The following LAMA5 variants were observed in gnomAD, a reference collection of about 807,000 sequenced individuals.
The protein encoded by LAMA5 is laminin subunit alpha 5, also known as laminin subunit alpha-5.
LAMA5 carries 260 observed loss-of-function variants against 433.4 expected under a neutral mutation model. The ratio of observed to expected loss-of-function variants is 0.60; its 90% confidence interval spans 0.54 to 0.66. The LOEUF (loss-of-function observed/expected upper bound fraction) is 0.66. Ranked by LOEUF, LAMA5 falls within the 30% of genes least tolerant of loss-of-function variation. LAMA5 has a pLI of 0.00. For synonymous variants in LAMA5, 2,620 were observed against 2,226.6 expected (o/e 1.18, Z -4.97); for missense variants, 5,378 against 5,258.5 (o/e 1.02, Z -0.70).
rs748347214 is a variant in LAMA5 at position 62,309,311 on chromosome 20, A to G, written c.*25T>C. 494 of 1,588,700 alleles carry G rather than the reference A, an allele frequency of 3.1e-4. 2 individuals carry two copies. Among genetic ancestry groups the G allele is most frequent in the Non-Finnish European group, 4.0e-4 (473 of 1,175,678 alleles). ...GGTGTGAGGCAGCTGCAGGGGCCTG[A>G]CCAGGGGCCGGGGTTGGCTGTGTCC... On this transcript the variant is annotated 3_prime_UTR_variant, in exon 80 of 80. Coordinates refer to ENST00000252999, the MANE Select transcript of LAMA5 (RefSeq NM_005560.6).
chr20:62,319,156 A>G (rs891562981), intron 51 of LAMA5, 143 bp from the exon 52 acceptor site: 1 of 831,888 alleles, frequency 1.2e-6, no homozygotes, highest in African/African-American at 1.7e-5. Flanking sequence ...TGGCCCCTAG[A>G]GCACCTGGCG....
In LAMA5 at chr20:62,312,323, G is replaced by A. The variant is rs371183907; in HGVS notation, c.9361-7C>T. 3.6e-4 allele frequency: 574 copies of A among 1,608,064 alleles called. No homozygotes were observed. Among genetic ancestry groups the A allele is most frequent in the Non-Finnish European group, 4.1e-4 (484 of 1,179,262 alleles). ...AAGTCATGGCGCGCCCCACCTGCGG[G>A]GAGGCCATCCCTGAGTGCCCGCGGG... On this transcript the variant is annotated splice_polypyrimidine_tract_variant and splice_region_variant and intron_variant, in intron 68 of 79. Coordinates refer to ENST00000252999, the MANE Select transcript of LAMA5 (RefSeq NM_005560.6).
At position 62,336,374 on chromosome 20, in the gene LAMA5, C is replaced by G. The variant is rs1981630504; in HGVS notation, c.2289G>C (p.Trp763Cys). The G allele has an allele frequency of 6.2e-7, 1 of 1,612,428 alleles. No individual in the cohort carries two copies. The highest frequency in any genetic ancestry group is 8.5e-7 in the Non-Finnish European group (1 of 1,179,694). The change falls in exon 18 of 80, where the codon TGG becomes TGC. Residue 763 changes from tryptophan (W) to cysteine (C), a missense_variant. Physicochemically the swap from Trp to Cys is radical, Grantham distance 215. Coordinates refer to ENST00000252999, the MANE Select transcript of LAMA5 (RefSeq NM_005560.6). ...PSCDRCKPGF[W>C]GLSPSNPEGC... ...CCTCGGGGTTGCTGGGGCTCAGTCC[C>G]CAGAACCCAGGTTTGCAGCGGTCAC...
intron 51 of LAMA5, chr20:62,319,214 C>T: frequency 1.7e-6 from 1 of 588,280 alleles, no homozygotes; most frequent in Non-Finnish European, 3.0e-6. Flanking sequence ...CCTGCAGTGC[C>T]TCCAACACCC....
At position 62,359,193 on chromosome 20, in the gene LAMA5, C is replaced by T. The variant is rs1985671973; in HGVS notation, c.450+3207G>A. ...GAAGGGGGCCCGTGCGTCCTCACTCCTCATCTGAGGGAGGCGGGAGGCAAT... is the reference window on the plus strand; with the variant it reads ...GAAGGGGGCCCGTGCGTCCTCACTCTTCATCTGAGGGAGGCGGGAGGCAAT... On this transcript the variant is annotated intron_variant, in intron 2 of 79. Coordinates refer to ENST00000252999, the MANE Select transcript of LAMA5 (RefSeq NM_005560.6). The surrounding 1 kb of genome is among the most constrained non-coding windows in gnomAD (Gnocchi z 4.3). Among the ~76,000 whole-genome samples the T allele has an allele frequency of 6.6e-6, 1 of 152,176 alleles. No homozygotes were observed. The highest frequency in any genetic ancestry group is 1.5e-5 in the Non-Finnish European group (1 of 68,016).
chr20:62,310,023 G>GA lies in LAMA5; in HGVS notation c.10792dup (p.Ser3598PhefsTer5). The GA allele has an allele frequency of 6.2e-7, 1 of 1,611,460 alleles. No individual in the cohort carries two copies. The highest frequency in any genetic ancestry group is 8.5e-7 in the Non-Finnish European group (1 of 1,179,744). ...GTGCCACTGGCCATCACACAGCACT[G>GA]AGGGGCGGGTCACTGACGTGGAGAA... On this transcript the variant is annotated frameshift_variant, in exon 78 of 80. Coordinates refer to ENST00000252999, the MANE Select transcript of LAMA5 (RefSeq NM_005560.6). LOFTEE classifies it high-confidence loss of function.
intron 11 of LAMA5, among the ~76,000 whole-genome samples, chr20:62,343,514 G>A (rs1318805745): frequency 6.6e-6 from 1 of 152,168 alleles, no homozygotes; most frequent in Non-Finnish European, 1.5e-5. Context: ...AGAGGCTTAC[G>A]CCTGTAATCC....
rs374716981 is a variant in LAMA5, at chr20:62,327,988, G to A, written c.4675C>T (p.Arg1559Cys). Residue 1559 changes from arginine (R) to cysteine (C), a missense_variant, in exon 36 of 80, where the codon CGC becomes TGC. Arg to Cys is a radical substitution (Grantham distance 180). Transcript: ENST00000252999. ...CCCGGAGAGCAGGTATCACAGCGGC[G>A]CCCAGTCACGTTGGGTCTGCACCTG... ...QCKCRPNVTGRRCDTCSPGFH... is the reference protein window; with the variant it reads ...QCKCRPNVTGCRCDTCSPGFH... 57 of 1,611,900 alleles carry A rather than the reference G, an allele frequency of 3.5e-5. No homozygotes were observed. The highest frequency in any genetic ancestry group is 4.5e-5 in the East Asian group (2 of 44,874).
rs372041142 is a variant in LAMA5 at position 62,322,050 on chromosome 20, G to A, written c.6465C>T (p.Gly2155=). The stretch of plus-strand genomic sequence containing the variant: ...AGTGGATGCTGTGGCCCACAGGCCC[G>A]CCTGGAACAGGCACCTGATGCTGCT... The part of the protein sequence containing the change: ...CSQQHQVPVP[G]GPVGHSIHCE... The change falls in exon 48 of 80, where the codon GGC becomes GGT. Residue 2155 remains glycine, a synonymous_variant. Transcript: ENST00000252999. The A allele has an allele frequency of 2.1e-5, 34 of 1,599,470 alleles. No homozygotes were observed. The highest frequency in any genetic ancestry group is 3.3e-4 in the Middle Eastern group (2 of 6,054).
rs767488072 is a variant in LAMA5 at position 62,328,371 on chromosome 20, C to T, written c.4522G>A (p.Asp1508Asn). ...CICPPRTIPPDCLLCQPQTFG... is the reference protein window; with the variant it reads ...CICPPRTIPPNCLLCQPQTFG... The stretch of plus-strand genomic sequence containing the variant: ...GTCTGGGGCTGGCACAGCAGGCAGT[C>T]GGGCGGGATGGTGCGTGGCGGGCAG... Residue 1508 changes from aspartate (D) to asparagine (N), a missense_variant, in exon 35 of 80, where the codon GAC (aspartate) becomes AAC (asparagine). Asp to Asn is a conservative substitution (Grantham distance 23). Coordinates refer to ENST00000252999, the MANE Select transcript of LAMA5 (RefSeq NM_005560.6). The T allele has an allele frequency of 3.8e-5, 60 of 1,579,592 alleles. No individual in the cohort carries two copies. The highest frequency in any genetic ancestry group is 1.1e-4 in the East Asian group (5 of 43,966).
At chr20:62,345,657 C>T (rs895222596) in intron 11 of LAMA5, 161 bp downstream of exon 11, 73 of 645,326 alleles carry the variant, frequency 1.1e-4, no homozygotes, top group African/African-American at 1.0e-3. Flanking sequence ...CCTATATTTC[C>T]GAAGGTTTTC....
chr20:62,343,130 C>T (rs1982849365), intron 11 of LAMA5, among the ~76,000 whole-genome samples: 1 of 152,218 alleles, frequency 6.6e-6, no homozygotes, highest in Non-Finnish European at 1.5e-5. Context: ...TCTATGGCTG[C>T]TTGCAAGCTA....
At position 62,337,829 on chromosome 20, in the gene LAMA5, G is replaced by C. The variant is rs780908722; in HGVS notation, c.2001C>G (p.Gly667=). 4.3e-6 allele frequency: 7 copies of C among 1,612,644 alleles called. No individual in the cohort carries two copies. The East Asian group carries it at 1.1e-4, about 26-fold the overall frequency. The part of the protein sequence containing the change: ...TGTACQECSP[G]FHGFPSCVPC... ...GGACACAGCTGGGGAAGCCGTGAAA[G>C]CCGGGGCTGCATTCCTGGCAGGCAG... Residue 667 remains glycine, a synonymous_variant, in exon 15 of 80, where the codon GGC becomes GGG. Transcript: ENST00000252999.
At chr20:62,360,775 T>C (rs926085628) in intron 2 of LAMA5, among the ~76,000 whole-genome samples, 3 of 151,910 alleles carry the variant, frequency 2.0e-5, no homozygotes, top group East Asian at 1.9e-4. Context: ...GACGCTCACA[T>C]GGCGGAACCT....
At position 62,329,017 on chromosome 20, in the gene LAMA5, G is replaced by A; in HGVS notation, c.4274C>T (p.Ala1425Val). The A allele has an allele frequency of 6.2e-7, 1 of 1,612,734 alleles. No homozygotes were observed. Among genetic ancestry groups the A allele is most frequent in the Non-Finnish European group, 8.5e-7 (1 of 1,179,878 alleles). ...SSSLFCRNAA[A>V]SLSLFYNNGA... ...GTTGTTATAGAAGAGGGAGAGGGAA[G>A]CAGCAGCGTTTCGGCAGAACAGGGA... is the stretch of plus-strand genomic sequence containing the variant. Residue 1425 changes from alanine (A) to valine (V), a missense_variant, in exon 34 of 80, where the codon GCT (alanine) becomes GTT (valine). Coordinates refer to ENST00000252999, the MANE Select transcript of LAMA5 (RefSeq NM_005560.6).
intron 11 of LAMA5, among the ~76,000 whole-genome samples, chr20:62,344,010 G>A (rs1339921098): frequency 6.6e-6 from 1 of 151,808 alleles, no homozygotes. Flanking sequence ...TGGGCTTAGT[G>A]GCGGATGCCT....
intron 6 of LAMA5, among the ~76,000 whole-genome samples, chr20:62,350,672 G>A (rs554786118): frequency 9.2e-5 from 14 of 152,108 alleles, no homozygotes; most frequent in African/African-American, 1.2e-4. Flanking sequence ...CAGGAGCCTC[G>A]TCACACACTC....
intron 11 of LAMA5, among the ~76,000 whole-genome samples, chr20:62,342,993 G>T (rs1982822963): frequency 6.6e-6 from 1 of 152,224 alleles, no homozygotes; most frequent in Non-Finnish European, 1.5e-5. Flanking sequence ...GCTTACTATG[G>T]CCCAGTAGCG....
rs544279956 is a variant in LAMA5, at chr20:62,339,031, C to T, written c.1478-423G>A. On this transcript the variant is annotated intron_variant, in intron 11 of 79. Coordinates refer to ENST00000252999, the MANE Select transcript of LAMA5 (RefSeq NM_005560.6). Reference sequence around the variant, plus strand: ...CAGCCTGGGCGACAGGGTGAGACTCCGTCTCAAAAAAAAAAAAAAATTCCA... The same window carrying T: ...CAGCCTGGGCGACAGGGTGAGACTCTGTCTCAAAAAAAAAAAAAAATTCCA... Among the ~76,000 whole-genome samples the T allele has an allele frequency of 1.2e-4, 13 of 108,362 alleles. No homozygotes were observed. In the East Asian group the frequency reaches 1.8e-3, roughly 15 times the overall value. The allele number at this position is 108,362 out of a possible 152,430, so 71.1% of individuals were successfully genotyped here. A position where few individuals can be genotyped will look rare whatever the true frequency, so the allele number is the denominator to read the frequency against.
Sources: allele counts gnomAD v4.1 joint callset (sites outside exome capture counted in the v4.1 genomes callset), GRCh38; gene constraint gnomAD v4.1.1; non-coding constraint Gnocchi (gnomAD v3.1); transcripts MANE v1.5; gene names NCBI Gene and HGNC (gene_info 2026-07-23, HGNC 2026-07-21).